ZBTB16: variants seen among roughly 807,000 people sequenced by gnomAD.
The protein encoded by ZBTB16 is zinc finger and BTB domain containing 16.
ZBTB16 carries 8 observed loss-of-function variants against 56.8 expected under a neutral mutation model. The observed-to-expected ratio is 0.14, with a 90% CI of 0.08 to 0.25. The LOEUF is 0.25. ZBTB16 is among the 10% of genes least tolerant of loss of function. The pLI is 1.00. For synonymous variants in ZBTB16, 363 were observed against 368.5 expected (o/e 0.98, Z 0.17); for missense variants, 625 against 903.0 (o/e 0.69, Z 3.95).
chr11:114,189,976 C>A (rs573100708), intron 4 of ZBTB16, among the ~76,000 whole-genome samples: 1 of 152,166 alleles, frequency 6.6e-6, no homozygotes, highest in South Asian at 2.1e-4. Context: ...ATATTCATAC[C>A]ATGGTATACT....
intron 3 of ZBTB16, among the ~76,000 whole-genome samples, chr11:114,184,102 TCCATGGGGTACTTTATCA>T (rs1241606391): frequency 6.6e-6 from 1 of 152,218 alleles, no homozygotes; most frequent in Non-Finnish European, 1.5e-5. Context: ...GTTCATATCT[TCCATGGGGTACTTTATCA>T]CCCACTTATC....
chr11:114,172,039 G>A (rs1238497036), intron 3 of ZBTB16, among the ~76,000 whole-genome samples: 1 of 152,220 alleles, frequency 6.6e-6, no homozygotes, highest in Non-Finnish European at 1.5e-5. Flanking sequence ...CCTGGTCCAG[G>A]TGAGTTTCCA....
intron 2 of ZBTB16, among the ~76,000 whole-genome samples, chr11:114,131,312 T>A (rs1178194315): frequency 6.6e-6 from 1 of 152,214 alleles, no homozygotes; most frequent in East Asian, 1.9e-4. Context: ...AAAGAATTAT[T>A]TGGTCCAAAA....
intron 2 of ZBTB16, among the ~76,000 whole-genome samples, chr11:114,108,858 C>A (rs1312144860): frequency 1.3e-5 from 2 of 152,216 alleles, no homozygotes; most frequent in Non-Finnish European, 2.9e-5. Context: ...TTGGCCTGAG[C>A]TCTTAATGCC....
chr11:114,153,348 G>T (rs1378231555), intron 2 of ZBTB16, among the ~76,000 whole-genome samples: 5 of 152,184 alleles, frequency 3.3e-5, no homozygotes, highest in African/African-American at 1.2e-4. Context: ...CTTTGCCCTT[G>T]TACTTCATGT....
At chr11:114,246,828 T>G in intron 5 of ZBTB16, 1 of 277,712 alleles carries the variant, frequency 3.6e-6, no homozygotes, top group African/African-American at 2.2e-5. Context: ...CAGGCTGGAG[T>G]GACTTTCACC....
Position 114,063,958 on chromosome 11 carries a change from C to A in ZBTB16, c.658C>A (p.Pro220Thr). The change falls in exon 2 of 7, where the codon CCA becomes ACA. Residue 220 changes from proline (P) to threonine (T), a missense_variant. Physicochemically the swap from Pro to Thr is conservative, Grantham distance 38 (BLOSUM62 -1). Coordinates refer to ENST00000335953, the MANE Select transcript of ZBTB16 (RefSeq NM_006006.6). This position sits in a 1 kb window ranked among gnomAD's most constrained non-coding sequence, Gnocchi z 6.5. ...GQSLLQGTLQPPAGPEEPTLA... is the reference protein window; with the variant it reads ...GQSLLQGTLQTPAGPEEPTLA... Reference sequence around the variant, plus strand: ...GTCTCTCCTGCAGGGAACTCTTCAGCCACCTGCAGGGCCCGAGGAGCCAAC... The same window carrying A: ...GTCTCTCCTGCAGGGAACTCTTCAGACACCTGCAGGGCCCGAGGAGCCAAC... The A allele has an allele frequency of 1.2e-6, 2 of 1,613,784 alleles. No individual in the cohort carries two copies. The highest frequency in any genetic ancestry group is 1.7e-6 in the Non-Finnish European group (2 of 1,180,002).
At chr11:114,217,226 A>AT (rs1565691440) in intron 4 of ZBTB16, among the ~76,000 whole-genome samples, 1 of 152,208 alleles carries the variant, frequency 6.6e-6, no homozygotes, top group Non-Finnish European at 1.5e-5. Context: ...AGGAGCCTAG[A>AT]TTTTATCCAC....
chr11:114,113,140 A>T (rs74654245), intron 2 of ZBTB16, among the ~76,000 whole-genome samples: 1 of 152,168 alleles, frequency 6.6e-6, no homozygotes, highest in Non-Finnish European at 1.5e-5. Context: ...ACATCTCTGC[A>T]TGTCTAATCT....
At chr11:114,240,927 T>G (rs1944689340) in intron 4 of ZBTB16, among the ~76,000 whole-genome samples, 1 of 152,238 alleles carries the variant, frequency 6.6e-6, no homozygotes, top group African/African-American at 2.4e-5. Flanking sequence ...CTGCATGGCC[T>G]GGCCCTTGCC....
chr11:114,079,978 G>A (rs1425582817), intron 2 of ZBTB16, among the ~76,000 whole-genome samples: 2 of 152,086 alleles, frequency 1.3e-5, no homozygotes, highest in Non-Finnish European at 2.9e-5. Flanking sequence ...GCTCCGGGGC[G>A]GCACTTCTGT....
At position 114,143,971 on chromosome 11, in the gene ZBTB16, G is replaced by A. The variant is rs1267563114; in HGVS notation, c.1269-12366G>A. 6.6e-6 allele frequency among the ~76,000 whole-genome samples: 1 copy of A among 152,188 alleles called. No individual in the cohort carries two copies. Among genetic ancestry groups the A allele is most frequent in the East Asian group, 1.9e-4 (1 of 5,198 alleles). On this transcript the variant is annotated intron_variant, in intron 2 of 6. Coordinates refer to ENST00000335953, the MANE Select transcript of ZBTB16 (RefSeq NM_006006.6). The surrounding 1 kb of genome is among the most constrained non-coding windows in gnomAD (Gnocchi z 6.4). ...TCCTGTGTGCTCGGGAGCCTTGCGT[G>A]TAAGGAGCAAGAGGAGCACGCAAGC... is the stretch of plus-strand genomic sequence containing the variant.
At chr11:114,090,102 C>T (rs1287378768) in intron 2 of ZBTB16, among the ~76,000 whole-genome samples, 2 of 152,210 alleles carry the variant, frequency 1.3e-5, no homozygotes, top group African/African-American at 2.4e-5. Flanking sequence ...CATTATTGCT[C>T]TCATGCCCAC....
chr11:114,148,377 CTTCCTTCCTTCCTCCT>C (rs1942170485), intron 2 of ZBTB16, among the ~76,000 whole-genome samples: 2 of 140,786 alleles, frequency 1.4e-5, no homozygotes, highest in African/African-American at 5.5e-5. Flanking sequence ...TCCTTCCTTC[CTTCCTTCCTTCCTCCT>C]TCCCTCCCTC....
chr11:114,072,775 G>A (rs12420333), intron 2 of ZBTB16, among the ~76,000 whole-genome samples: 3,006 of 152,184 alleles, frequency 0.02, 266 homozygotes, highest in Admixed American at 0.16. Context: ...TGTACAGGCC[G>A]GGCGCAGTGG....
chr11:114,208,558 C>T (rs1943934684), intron 4 of ZBTB16, among the ~76,000 whole-genome samples: 1 of 152,116 alleles, frequency 6.6e-6, no homozygotes, highest in Non-Finnish European at 1.5e-5. Context: ...GTGATGTTTC[C>T]TCTTGCTGTG....
chr11:114,097,268 C>T lies in ZBTB16; in HGVS notation c.1268+32700C>T, dbSNP rs191563385. On this transcript the variant is annotated intron_variant, in intron 2 of 6. Transcript: ENST00000335953. Reference sequence around the variant, plus strand: ...CTTATATAAAGCAAATTTGTAGAAACACGAACTAGAATAGATGTTGCCAGG... The same window carrying T: ...CTTATATAAAGCAAATTTGTAGAAATACGAACTAGAATAGATGTTGCCAGG... Among the ~76,000 whole-genome samples, 22 of 152,252 alleles carry T rather than the reference C, an allele frequency of 1.4e-4. No homozygotes were observed. In the East Asian group the frequency reaches 3.7e-3, roughly 25 times the overall value.
At chr11:114,208,125 T>C (rs1365006556) in intron 4 of ZBTB16, among the ~76,000 whole-genome samples, 2 of 152,188 alleles carry the variant, frequency 1.3e-5, no homozygotes, top group African/African-American at 4.8e-5. Context: ...TTGACCCTCC[T>C]TCTGGTCTCC....
chr11:114,112,429 G>A lies in ZBTB16; in HGVS notation c.1269-43908G>A, dbSNP rs76289499. Among the ~76,000 whole-genome samples, 1,149 of 152,292 alleles carry A rather than the reference G, an allele frequency of 7.5e-3. 15 individuals are homozygous for A. The highest frequency in any genetic ancestry group is 0.025 in the African/African-American group (1,027 of 41,552). On this transcript the variant is annotated intron_variant, in intron 2 of 6. Coordinates refer to ENST00000335953, the MANE Select transcript of ZBTB16 (RefSeq NM_006006.6). ...GAGAGATGGAGAAGGTAGAGGGAGAGCAAGGGAGGGATAGAGAGGGCACGA... is the reference window on the plus strand; with the variant it reads ...GAGAGATGGAGAAGGTAGAGGGAGAACAAGGGAGGGATAGAGAGGGCACGA...
Sources: allele counts gnomAD v4.1 joint callset (sites outside exome capture counted in the v4.1 genomes callset), GRCh38; gene constraint gnomAD v4.1.1; non-coding constraint Gnocchi (gnomAD v3.1); transcripts MANE v1.5; gene names NCBI Gene and HGNC (gene_info 2026-07-23, HGNC 2026-07-21).